Variants in EFNA5 observed in about 807,000 individuals in gnomAD.
EFNA5 encodes ephrin-A5.
Under a neutral mutation model 22.9 loss-of-function variants are expected in EFNA5, and 5 were observed. The ratio of observed to expected loss-of-function variants is 0.22; its 90% CI spans 0.11 to 0.46. EFNA5 has a LOEUF of 0.46. EFNA5 is among the 20% of genes least tolerant of loss of function. The pLI is 0.99. For missense variants in EFNA5, 237 were observed against 293.3 expected, an observed-to-expected ratio of 0.81 and a Z score of 1.40; for synonymous variants, 113 against 112.2, an observed-to-expected ratio of 1.01 and a Z score of -0.04.
intron 1 of EFNA5, among the ~76,000 whole-genome samples, chr5:107,636,772 G>GTGAA (rs1170260065): frequency 7.2e-5 from 11 of 152,294 alleles, no homozygotes; most frequent in Middle Eastern, 3.4e-3. Flanking sequence ...AAGGGAAAGA[G>GTGAA]TGAAACATGG....
At chr5:107,543,460 TA>T (rs1049516245) in intron 1 of EFNA5, among the ~76,000 whole-genome samples, 14 of 152,232 alleles carry the variant, frequency 9.2e-5, no homozygotes, top group Non-Finnish European at 1.8e-4. Flanking sequence ...TTATCTTCCT[TA>T]CCCAAAAAAT....
intron 1 of EFNA5, among the ~76,000 whole-genome samples, chr5:107,469,895 C>CT (rs1342388480): frequency 1.3e-5 from 2 of 152,192 alleles, no homozygotes; most frequent in Admixed American, 6.5e-5. Flanking sequence ...AAATTATTCT[C>CT]TTTAACAACT....
intron 1 of EFNA5, among the ~76,000 whole-genome samples, chr5:107,528,384 GT>G (rs113429180): frequency 1.3e-5 from 2 of 151,936 alleles, no homozygotes; most frequent in Non-Finnish European, 2.9e-5. Flanking sequence ...TTGTTTTTTA[GT>G]TTTTTTATTG....
chr5:107,593,917 AT>A (rs2112506543), intron 1 of EFNA5, among the ~76,000 whole-genome samples: 1 of 152,246 alleles, frequency 6.6e-6, no homozygotes, highest in Non-Finnish European at 1.5e-5. Context: ...TAATCCTTTT[AT>A]TTTTAAGCTA....
chr5:107,437,683 T>C (rs931150990), intron 1 of EFNA5, among the ~76,000 whole-genome samples: 3 of 151,816 alleles, frequency 2.0e-5, no homozygotes, highest in Non-Finnish European at 2.9e-5. Context: ...AGCGACTACA[T>C]AGATGTTCGA....
At chr5:107,567,974 G>A (rs1294170195) in intron 1 of EFNA5, among the ~76,000 whole-genome samples, 4 of 152,168 alleles carry the variant, frequency 2.6e-5, no homozygotes, top group Non-Finnish European at 5.9e-5. Flanking sequence ...ATGGCTCACT[G>A]CAGCCTCGAC....
At chr5:107,485,341 A>G (rs552275068) in intron 1 of EFNA5, among the ~76,000 whole-genome samples, 2 of 152,356 alleles carry the variant, frequency 1.3e-5, no homozygotes, top group East Asian at 3.9e-4. Flanking sequence ...AAGACTATAC[A>G]CACATTTCAC....
At chr5:107,624,571 C>T (rs1204961652) in intron 1 of EFNA5, among the ~76,000 whole-genome samples, 2 of 152,094 alleles carry the variant, frequency 1.3e-5, no homozygotes, top group African/African-American at 2.4e-5. Flanking sequence ...ATCACTTTTA[C>T]TAATTTGGTT....
At chr5:107,645,095 C>T in intron 1 of EFNA5, among the ~76,000 whole-genome samples, 1 of 152,174 alleles carries the variant, frequency 6.6e-6, no homozygotes, top group East Asian at 1.9e-4. Flanking sequence ...CTGCACCTAT[C>T]AATCCATCAC....
intron 1 of EFNA5, among the ~76,000 whole-genome samples, chr5:107,455,677 T>C (rs944891245): frequency 6.6e-6 from 1 of 152,190 alleles, no homozygotes; most frequent in Non-Finnish European, 1.5e-5. Context: ...TCCTCATTCT[T>C]GTCTTTAACC....
intron 1 of EFNA5, among the ~76,000 whole-genome samples, chr5:107,584,601 C>A (rs1484975228): frequency 6.6e-6 from 1 of 152,198 alleles, no homozygotes; most frequent in African/African-American, 2.4e-5. Context: ...CAAAACTCAA[C>A]CATTAAGAAA....
At chr5:107,434,429 C>T (rs940618162) in intron 1 of EFNA5, among the ~76,000 whole-genome samples, 1 of 152,200 alleles carries the variant, frequency 6.6e-6, no homozygotes, top group Non-Finnish European at 1.5e-5. Context: ...GCACCATAAT[C>T]CTCCTTCTCT....
intron 2 of EFNA5, among the ~76,000 whole-genome samples, chr5:107,422,714 G>C (rs904533244): frequency 6.6e-6 from 1 of 152,188 alleles, no homozygotes; most frequent in Non-Finnish European, 1.5e-5. Context: ...TTCAACCATG[G>C]AGGACCTTGC....
intron 2 of EFNA5, among the ~76,000 whole-genome samples, chr5:107,391,550 C>G (rs1747794872): frequency 6.6e-6 from 1 of 152,196 alleles, no homozygotes; most frequent in South Asian, 2.1e-4. Context: ...AAATCTTCCT[C>G]TAAAGACACA....
chr5:107,536,386 G>C (rs163760), intron 1 of EFNA5, among the ~76,000 whole-genome samples: 6,739 of 152,036 alleles, frequency 0.044, 512 homozygotes, highest in African/African-American at 0.15. Context: ...ATATAACTAG[G>C]GCAGAAAATT....
At chr5:107,642,772 C>A (rs1407757657) in intron 1 of EFNA5, among the ~76,000 whole-genome samples, 1 of 152,070 alleles carries the variant, frequency 6.6e-6, no homozygotes, top group Non-Finnish European at 1.5e-5. Context: ...TTAAAGGAAG[C>A]TCCTTGGCAC....
At chr5:107,527,807 G>A (rs1747728147) in intron 1 of EFNA5, among the ~76,000 whole-genome samples, 1 of 152,112 alleles carries the variant, frequency 6.6e-6, no homozygotes, top group Non-Finnish European at 1.5e-5. Context: ...ACCAAGATGG[G>A]AACATGTGAA....
intron 1 of EFNA5, among the ~76,000 whole-genome samples, chr5:107,495,180 C>G (rs1338444064): frequency 6.6e-6 from 1 of 152,172 alleles, no homozygotes; most frequent in Non-Finnish European, 1.5e-5. Context: ...CTATTGCTCA[C>G]TCTTTGGGTC....
intron 1 of EFNA5, among the ~76,000 whole-genome samples, chr5:107,599,620 C>A (rs545570260): frequency 6.6e-6 from 1 of 152,068 alleles, no homozygotes; most frequent in Admixed American, 6.5e-5. Flanking sequence ...AATTAGAAAT[C>A]GATAGAAAAC....
Sources: gnomAD v4.1 joint callset for allele counts (sites outside exome capture counted in the v4.1 genomes callset) on GRCh38, gnomAD v4.1.1 for gene constraint, MANE v1.5 for transcripts, NCBI Gene and HGNC (gene_info 2026-07-23, HGNC 2026-07-21) for gene names.